Variants in GRID2 observed in about 807,000 individuals in gnomAD.
GRID2 encodes the protein glutamate ionotropic receptor delta type subunit 2, also known as glutamate receptor ionotropic, delta-2.
In GRID2, 33 loss-of-function variants were observed where a neutral mutation model predicts 114.8. The observed-to-expected ratio is 0.29, with a 90% confidence interval of 0.22 to 0.38. The LOEUF (loss-of-function observed/expected upper bound fraction) is 0.38. GRID2 is among the 10% of genes least tolerant of loss of function. The pLI, the probability that GRID2 is intolerant of heterozygous loss-of-function variation, is 1.00. For synonymous variants in GRID2, 505 were observed against 449.9 expected (o/e 1.12, Z -1.55); for missense variants, 1,184 against 1,257.7 (o/e 0.94, Z 0.89).
intron 2 of GRID2, among the ~76,000 whole-genome samples, chr4:92,622,038 T>C (rs939519683): frequency 1.8e-4 from 27 of 151,770 alleles, no homozygotes; most frequent in African/African-American, 5.8e-4. Flanking sequence ...AAAATGGAAA[T>C]TCATGTGGAG....
At chr4:93,218,909 C>G (rs1158151281) in intron 6 of GRID2, among the ~76,000 whole-genome samples, 1 of 152,140 alleles carries the variant, frequency 6.6e-6, no homozygotes, top group Non-Finnish European at 1.5e-5. Flanking sequence ...GCTTATAAAA[C>G]CATCAGATCT....
At chr4:92,643,795 C>A (rs1392364871) in intron 2 of GRID2, among the ~76,000 whole-genome samples, 4 of 151,724 alleles carry the variant, frequency 2.6e-5, no homozygotes, top group Non-Finnish European at 5.9e-5. Flanking sequence ...AACTGTCATA[C>A]ATGCCTTGAT....
At chr4:92,825,946 C>A (rs1326667953) in intron 2 of GRID2, among the ~76,000 whole-genome samples, 1 of 152,108 alleles carries the variant, frequency 6.6e-6, no homozygotes, top group Non-Finnish European at 1.5e-5. Context: ...CTACTTGTAG[C>A]TGAAAGTATC....
At position 92,304,866 on chromosome 4, in the gene GRID2, C is replaced by G; in HGVS notation, c.88+122C>G. 9.6e-6 allele frequency: 7 copies of G among 729,656 alleles called. No homozygotes were observed. The South Asian group carries it at 1.1e-4, about 11-fold the overall frequency. 45.2% of individuals were successfully genotyped at this position (729,656 alleles called of 1,614,324 possible). A position where few individuals can be genotyped will look rare whatever the true frequency, so the allele number is the denominator to read the frequency against. ...GTTGGAGGTGGCTTCAGTTCATTGCCCCTTCCCGCTACCCTTCCCTCACAC... is the reference window on the plus strand; with the variant it reads ...GTTGGAGGTGGCTTCAGTTCATTGCGCCTTCCCGCTACCCTTCCCTCACAC... On this transcript the variant is annotated intron_variant, in intron 1 of 15. Transcript: ENST00000282020.
intron 2 of GRID2, among the ~76,000 whole-genome samples, chr4:92,978,660 TG>T (rs1235949040): frequency 6.6e-6 from 1 of 152,100 alleles, no homozygotes; most frequent in African/African-American, 2.4e-5. Context: ...AGATTAAAAA[TG>T]AAGGAGAAAT....
At chr4:93,439,332 T>C (rs1343637601) in intron 10 of GRID2, among the ~76,000 whole-genome samples, 1 of 151,950 alleles carries the variant, frequency 6.6e-6, no homozygotes, top group Non-Finnish European at 1.5e-5. Context: ...GGTTGAGACT[T>C]GGTGAGAAAT....
intron 11 of GRID2, among the ~76,000 whole-genome samples, chr4:93,464,499 A>T (rs1012711387): frequency 2.6e-5 from 4 of 152,184 alleles, no homozygotes; most frequent in Admixed American, 2.6e-4. Context: ...ACTTTAAAAA[A>T]ATTGTTGGTC....
chr4:93,262,916 T>C (rs1750409745), intron 8 of GRID2, among the ~76,000 whole-genome samples: 1 of 151,942 alleles, frequency 6.6e-6, no homozygotes, highest in African/African-American at 2.4e-5. Flanking sequence ...TTTTTTCCGT[T>C]TTACTCTTTC....
intron 1 of GRID2, among the ~76,000 whole-genome samples, chr4:92,403,693 A>AAGATCAAT (rs906579566): frequency 7.2e-6 from 1 of 139,068 alleles, no homozygotes; most frequent in South Asian, 2.4e-4. Flanking sequence ...CTCCATCTCA[A>AAGATCAAT]AAATAAATAA....
chr4:93,102,201 G>A (rs1731768939), intron 3 of GRID2, among the ~76,000 whole-genome samples: 1 of 152,138 alleles, frequency 6.6e-6, no homozygotes, highest in African/African-American at 2.4e-5. Context: ...CACTAGACAT[G>A]TTGGCTCCTG....
intron 1 of GRID2, among the ~76,000 whole-genome samples, chr4:92,429,340 A>G (rs576822972): frequency 1.3e-5 from 2 of 152,316 alleles, no homozygotes; most frequent in African/African-American, 2.4e-5. Context: ...GAGTGAGAAC[A>G]TGTGAACTTT....
chr4:93,697,956 A>G (rs1222635098), intron 14 of GRID2, among the ~76,000 whole-genome samples: 1 of 148,316 alleles, frequency 6.7e-6, no homozygotes, highest in African/African-American at 2.5e-5. Context: ...CCTTTCTTCT[A>G]TTTTCTATTT....
At chr4:92,311,690 CATT>C (rs1185239073) in intron 1 of GRID2, among the ~76,000 whole-genome samples, 1 of 151,776 alleles carries the variant, frequency 6.6e-6, no homozygotes, top group Non-Finnish European at 1.5e-5. Flanking sequence ...TTAATAAAGT[CATT>C]ATAATTCTAG....
chr4:92,473,835 G>A, intron 1 of GRID2, among the ~76,000 whole-genome samples: 1 of 151,674 alleles, frequency 6.6e-6, no homozygotes, highest in East Asian at 1.9e-4. Context: ...CAGCTTTATT[G>A]ATGTATGATT....
chr4:92,634,633 C>T (rs983173761), intron 2 of GRID2, among the ~76,000 whole-genome samples: 11 of 151,334 alleles, frequency 7.3e-5, no homozygotes, highest in African/African-American at 2.7e-4. Context: ...AAGATATGGA[C>T]AGAAAATGAA....
chr4:93,802,059 T>C (rs889601662), intron 1 of GRID2, among the ~76,000 whole-genome samples: 1 of 152,246 alleles, frequency 6.6e-6, no homozygotes, highest in Non-Finnish European at 1.5e-5. Context: ...TTCTGTCTAT[T>C]GTACAGTAGC....
At chr4:92,464,309 C>T (rs1407661862) in intron 1 of GRID2, among the ~76,000 whole-genome samples, 1 of 151,968 alleles carries the variant, frequency 6.6e-6, no homozygotes, top group African/African-American at 2.4e-5. Context: ...ATTTTTACTA[C>T]CGTTCTTTTC....
chr4:92,496,615 A>G (rs1723400985), intron 1 of GRID2, among the ~76,000 whole-genome samples: 1 of 151,888 alleles, frequency 6.6e-6, no homozygotes, highest in Non-Finnish European at 1.5e-5. Context: ...AACCATGTTT[A>G]TTTATGTTAA....
chr4:93,107,218 A>T (rs1160127460), intron 3 of GRID2, among the ~76,000 whole-genome samples: 2 of 152,096 alleles, frequency 1.3e-5, no homozygotes, highest in African/African-American at 4.8e-5. Context: ...AGGATCGCTT[A>T]AGCCTGGGAG....
Sources: gnomAD v4.1 joint callset for allele counts (sites outside exome capture counted in the v4.1 genomes callset) on GRCh38, gnomAD v4.1.1 for gene constraint, MANE v1.5 for transcripts, NCBI Gene and HGNC (gene_info 2026-07-23, HGNC 2026-07-21) for gene names.